The following LIPC variants were observed in gnomAD, a reference collection of about 807,000 sequenced individuals.
LIPC encodes hepatic triacylglycerol lipase.
A neutral mutation model predicts 50.7 loss-of-function variants in LIPC; 44 were observed. The ratio of observed to expected loss-of-function variants is 0.87; its 90% CI spans 0.68 to 1.11. The LOEUF (loss-of-function observed/expected upper bound fraction) is 1.11. LIPC is among the 50% of genes most tolerant of loss of function. LIPC has a pLI of 0.00. For synonymous variants in LIPC, 271 were observed against 256.4 expected (o/e 1.06, Z -0.54); for missense variants, 697 against 648.2 (o/e 1.08, Z -0.82).
intron 1 of LIPC, among the ~76,000 whole-genome samples, chr15:58,450,687 A>G (rs1367922444): frequency 6.6e-6 from 1 of 152,200 alleles, no homozygotes; most frequent in Admixed American, 6.5e-5. Context: ...ATACCTAGGT[A>G]CTAGGAAGGT....
chr15:58,464,674 A>G (rs1894474823), intron 1 of LIPC, among the ~76,000 whole-genome samples: 1 of 152,160 alleles, frequency 6.6e-6, no homozygotes, highest in Non-Finnish European at 1.5e-5. Flanking sequence ...TTGACCACAC[A>G]TCAAAACACA....
rs143186931 is a variant in LIPC at position 58,563,311 on chromosome 15, A to G, written c.1170-194A>G. Among the ~76,000 whole-genome samples, 392 of 152,250 alleles carry G rather than the reference A, an allele frequency of 2.6e-3. 1 individual carries two copies. Among genetic ancestry groups the G allele is most frequent in the Non-Finnish European group, 4.3e-3 (291 of 68,008 alleles). Reference sequence around the variant, plus strand: ...AAAATAGTATAGTTTTCGCAATTTTATTATCTGGAAATCCCTTTTTTATCC... The same window carrying G: ...AAAATAGTATAGTTTTCGCAATTTTGTTATCTGGAAATCCCTTTTTTATCC... On this transcript the variant is annotated intron_variant, in intron 7 of 8. Transcript: ENST00000299022.
chr15:58,472,270 CAAAAAAAAA>C (rs35901617), intron 1 of LIPC, among the ~76,000 whole-genome samples: 8,814 of 87,786 alleles, frequency 0.1, 368 homozygotes, highest in Middle Eastern at 0.2. Context: ...CATTTGGTCT[CAAAAAAAAA>C]AAAAAAAAAA....
intron 1 of LIPC, among the ~76,000 whole-genome samples, chr15:58,506,852 A>T (rs1892167110): frequency 6.6e-6 from 1 of 152,240 alleles, no homozygotes; most frequent in Admixed American, 6.5e-5. Context: ...TAGGAAATTT[A>T]TAGAGGAAAC....
chr15:58,485,127 T>C (rs34959352), intron 1 of LIPC, among the ~76,000 whole-genome samples: 15,632 of 152,162 alleles, frequency 0.1, 1,023 homozygotes, highest in Middle Eastern at 0.18. Context: ...ATAGCATCAG[T>C]TATGCATCAT....
chr15:58,499,592 TAA>T (rs1399964376), intron 1 of LIPC, among the ~76,000 whole-genome samples: 17 of 152,276 alleles, frequency 1.1e-4, no homozygotes, highest in African/African-American at 3.6e-4. Flanking sequence ...CCGAACCCTA[TAA>T]GTTGATCCCA....
chr15:58,552,494 C>A (rs1412205005), intron 6 of LIPC, among the ~76,000 whole-genome samples: 1 of 152,206 alleles, frequency 6.6e-6, no homozygotes, highest in Non-Finnish European at 1.5e-5. Context: ...TTCCATATCT[C>A]CTCCACTCTT....
rs1893215145 is a variant in LIPC at position 58,538,486 on chromosome 15, T to C, written c.242T>C (p.Leu81Pro). The C allele has an allele frequency of 6.2e-7, 1 of 1,614,192 alleles. No homozygotes were observed. The highest frequency in any genetic ancestry group is 1.1e-5 in the South Asian group (1 of 91,080). Residue 81 changes from leucine to proline, a missense_variant, in exon 2 of 9, where the codon CTG (leucine) becomes CCG (proline). Leu to Pro is a moderately conservative substitution (Grantham distance 98, BLOSUM62 -3). Transcript: ENST00000299022. ...CAGGAGTGCGGCTTCAACTCCTCCC[T>C]GCCTCTGGTGATGATAATCCACGGG... ...TLQECGFNSS[L>P]PLVMIIHGWS...
intron 6 of LIPC, among the ~76,000 whole-genome samples, chr15:58,551,517 T>C (rs1365430394): frequency 2.0e-5 from 3 of 152,036 alleles, no homozygotes; most frequent in African/African-American, 7.3e-5. Context: ...AACACAGAAA[T>C]AAAACATTTC....
At chr15:58,559,964 G>A (rs1184015406) in intron 6 of LIPC, among the ~76,000 whole-genome samples, 2 of 152,198 alleles carry the variant, frequency 1.3e-5, no homozygotes, top group African/African-American at 2.4e-5. Context: ...TTGACCTTAA[G>A]CAAGTCACTT....
intron 4 of LIPC, among the ~76,000 whole-genome samples, chr15:58,545,468 C>T (rs1264111347): frequency 6.6e-6 from 1 of 152,190 alleles, no homozygotes; most frequent in Non-Finnish European, 1.5e-5. Context: ...CTCCTGGCCT[C>T]AGGCATCATA....
intron 1 of LIPC, among the ~76,000 whole-genome samples, chr15:58,494,445 C>A (rs1183108673): frequency 3.3e-5 from 5 of 152,204 alleles, no homozygotes; most frequent in African/African-American, 9.7e-5. Flanking sequence ...GTCATCCAAC[C>A]TCATTTACGC....
At chr15:58,496,488 A>C in intron 1 of LIPC, among the ~76,000 whole-genome samples, 1 of 152,114 alleles carries the variant, frequency 6.6e-6, no homozygotes, top group Non-Finnish European at 1.5e-5. Context: ...AGGGAAGGAG[A>C]GAGGGAGAAA....
At chr15:58,471,328 T>TGCGGGGG (rs1555399294) in intron 1 of LIPC, among the ~76,000 whole-genome samples, 73 of 114,174 alleles carry the variant, frequency 6.4e-4, no homozygotes, top group African/African-American at 2.4e-3. Context: ...TTAGTAGAGA[T>TGCGGGGG]GGGGGGGGGT....
intron 1 of LIPC, among the ~76,000 whole-genome samples, chr15:58,505,134 G>T (rs1892104239): frequency 6.6e-6 from 1 of 152,222 alleles, no homozygotes; most frequent in South Asian, 2.1e-4. Flanking sequence ...CACTGGGAGA[G>T]GCCAACAGTC....
intron 1 of LIPC, among the ~76,000 whole-genome samples, chr15:58,528,914 C>A (rs956749092): frequency 4.6e-5 from 7 of 152,200 alleles, no homozygotes; most frequent in African/African-American, 1.7e-4. Flanking sequence ...CTGTCCCTAC[C>A]TGCCAGGGCA....
At chr15:58,552,898 G>T (rs1465078595) in intron 6 of LIPC, among the ~76,000 whole-genome samples, 1 of 152,194 alleles carries the variant, frequency 6.6e-6, no homozygotes, top group Non-Finnish European at 1.5e-5. Flanking sequence ...TAGACATGGG[G>T]ATGAACCACT....
In LIPC at chr15:58,471,134, CTTTTTT is replaced by C. The variant is rs34225435; in HGVS notation, c.88+39029_88+39034del. 2.6e-5 allele frequency among the ~76,000 whole-genome samples: 3 copies of C among 114,642 alleles called. No homozygotes were observed. The Admixed American group carries it at 2.6e-4, about 10-fold the overall frequency. 75.2% of individuals were successfully genotyped at this position (114,642 alleles called of 152,430 possible). ...AAGTAGGATTTTTTTTTTCTTTTCT[CTTTTTT>C]TTTTTTTTTTTTTTGAGATGCGGTC... is the stretch of plus-strand genomic sequence containing the variant. On this transcript the variant is annotated intron_variant, in intron 1 of 8. Transcript: ENST00000299022.
At chr15:58,557,379 C>CTTTTTTTTTTTTTTTTTTTT (rs386383140) in intron 6 of LIPC, among the ~76,000 whole-genome samples, 2 of 75,692 alleles carry the variant, frequency 2.6e-5, no homozygotes, top group Non-Finnish European at 4.6e-5. Flanking sequence ...ATTATATGCT[C>CTTTTTTTTTTTTTTTTTTTT]TTTTTTTTTT....
Sources: gnomAD v4.1 joint callset for allele counts (sites outside exome capture counted in the v4.1 genomes callset) on GRCh38, gnomAD v4.1.1 for gene constraint, MANE v1.5 for transcripts, NCBI Gene and HGNC (gene_info 2026-07-23, HGNC 2026-07-21) for gene names.